The following ADAMTS17 variants were observed in gnomAD, a reference collection of about 807,000 sequenced individuals.
ADAMTS17 encodes ADAM metallopeptidase with thrombospondin type 1 motif 17, also known as A disintegrin and metalloproteinase with thrombospondin motifs 17.
ADAMTS17 carries 113 observed loss-of-function variants against 141.5 expected under a neutral mutation model. The ratio of observed to expected loss-of-function variants is 0.80; its 90% CI spans 0.69 to 0.93. The LOEUF is 0.93. Among genes scored for constraint, ADAMTS17 ranks in the 40% least tolerant of loss-of-function variants. The pLI, the probability that ADAMTS17 is intolerant of heterozygous loss-of-function variation, is 0.00. For missense variants in ADAMTS17, 1,659 were observed against 1,517.9 expected (o/e 1.09, Z -1.54); for synonymous variants, 768 against 630.6 (o/e 1.22, Z -3.27).
Position 100,104,594 on chromosome 15 carries a change from A to G in ADAMTS17, c.2016+4395T>C, listed in dbSNP as rs151133129. ...ATGCCGTCTGCTACCCCAAAATAGC[A>G]CAATTTATAGCTGAAGGGGAAAGAG... is the stretch of plus-strand genomic sequence containing the variant. On this transcript the variant is annotated intron_variant, in intron 14 of 21. Coordinates refer to ENST00000268070, the MANE Select transcript of ADAMTS17 (RefSeq NM_139057.4). 3.1e-3 allele frequency among the ~76,000 whole-genome samples: 478 copies of G among 152,288 alleles called. 2 individuals carry two copies. The highest frequency in any genetic ancestry group is 0.011 in the African/African-American group (457 of 41,558).
intron 18 of ADAMTS17, among the ~76,000 whole-genome samples, chr15:100,007,421 T>A (rs1275978435): frequency 6.6e-6 from 1 of 152,006 alleles, no homozygotes. Context: ...AGAAGACTTT[T>A]TTTTTTTTTT....
At chr15:100,006,820 G>GCT (rs2061045041) in intron 18 of ADAMTS17, among the ~76,000 whole-genome samples, 1 of 152,324 alleles carries the variant, frequency 6.6e-6, no homozygotes, top group South Asian at 2.1e-4. Flanking sequence ...ATCTGTTAGA[G>GCT]ACAGGCCAAT....
chr15:100,308,081 C>T (rs1326063525), intron 3 of ADAMTS17, among the ~76,000 whole-genome samples: 1 of 152,100 alleles, frequency 6.6e-6, no homozygotes, highest in Non-Finnish European at 1.5e-5. Context: ...AAAATTTGAC[C>T]CACTTTACAG....
chr15:100,067,535 G>C (rs2033626763), intron 15 of ADAMTS17, among the ~76,000 whole-genome samples: 2 of 151,988 alleles, frequency 1.3e-5, no homozygotes, highest in East Asian at 3.9e-4. Flanking sequence ...AACCTTTCTT[G>C]GGACACAAAG....
intron 3 of ADAMTS17, among the ~76,000 whole-genome samples, chr15:100,290,849 C>T (rs533749628): frequency 6.6e-6 from 1 of 152,226 alleles, no homozygotes; most frequent in South Asian, 2.1e-4. Flanking sequence ...AAAATTAACT[C>T]GGGATGGATT....
At chr15:100,154,051 C>T (rs1291079808) in intron 9 of ADAMTS17, among the ~76,000 whole-genome samples, 1 of 152,126 alleles carries the variant, frequency 6.6e-6, no homozygotes, top group Non-Finnish European at 1.5e-5. Flanking sequence ...TGTGGTGGCA[C>T]GTGCCGGTAA....
At chr15:100,073,810 T>C (rs1222947646) in intron 15 of ADAMTS17, among the ~76,000 whole-genome samples, 1 of 150,766 alleles carries the variant, frequency 6.6e-6, no homozygotes, top group African/African-American at 2.4e-5. Flanking sequence ...ATATACCTAA[T>C]GTTAAATAAC....
chr15:100,176,539 C>T (rs922920644), intron 8 of ADAMTS17, among the ~76,000 whole-genome samples: 1 of 152,186 alleles, frequency 6.6e-6, no homozygotes, highest in African/African-American at 2.4e-5. Context: ...ACCCTTCCCC[C>T]AGCCTCCCAC....
At chr15:100,001,421 T>C (rs1320548999) in intron 18 of ADAMTS17, among the ~76,000 whole-genome samples, 1 of 152,072 alleles carries the variant, frequency 6.6e-6, no homozygotes, top group Non-Finnish European at 1.5e-5. Context: ...GTGAAACTGC[T>C]TTGTATGATG....
chr15:100,333,992 G>A (rs1469558333), intron 2 of ADAMTS17, among the ~76,000 whole-genome samples: 2 of 152,226 alleles, frequency 1.3e-5, no homozygotes, highest in African/African-American at 4.8e-5. Flanking sequence ...GATTTGGTAT[G>A]CTATACTATA....
Position 100,073,679 on chromosome 15 carries a change from C to T in ADAMTS17, c.2138-19625G>A, listed in dbSNP as rs538497594. Among the ~76,000 whole-genome samples, 228 of 148,974 alleles carry T rather than the reference C, an allele frequency of 1.5e-3. 1 individual carries two copies. The highest frequency in any genetic ancestry group is 5.1e-3 in the South Asian group (24 of 4,742). ...ATCACAAGGACAAAAAACCAAACAC[C>T]GCATGTTCTCACTCATAGGTGGGAA... On this transcript the variant is annotated intron_variant, in intron 15 of 21. Transcript: ENST00000268070.
intron 18 of ADAMTS17, among the ~76,000 whole-genome samples, chr15:100,043,211 C>A (rs1474344307): frequency 6.6e-6 from 1 of 152,204 alleles, no homozygotes; most frequent in Non-Finnish European, 1.5e-5. Flanking sequence ...GAGCCAGGCA[C>A]TTGCTGTCTA....
In ADAMTS17 at chr15:100,262,337, C is replaced by T; in HGVS notation, c.873+15G>A. 1.9e-6 allele frequency: 3 copies of T among 1,611,666 alleles called. No individual in the cohort carries two copies. The highest frequency in any genetic ancestry group is 1.7e-6 in the Non-Finnish European group (2 of 1,178,128). ...ACATTTTCTGCTTGCTTGAAAGGTGCCTGTGGGGACTTACGGGACGTTGTC... is the reference window on the plus strand; with the variant it reads ...ACATTTTCTGCTTGCTTGAAAGGTGTCTGTGGGGACTTACGGGACGTTGTC... On this transcript the variant is annotated intron_variant, in intron 5 of 21. Coordinates refer to ENST00000268070, the MANE Select transcript of ADAMTS17 (RefSeq NM_139057.4).
intron 15 of ADAMTS17, among the ~76,000 whole-genome samples, chr15:100,072,743 T>C (rs1445619606): frequency 6.6e-6 from 1 of 152,126 alleles, no homozygotes; most frequent in Non-Finnish European, 1.5e-5. Context: ...TTACACCTTA[T>C]ACAAAAATTA....
intron 7 of ADAMTS17, among the ~76,000 whole-genome samples, chr15:100,204,968 C>T (rs2041476347): frequency 6.6e-6 from 1 of 152,104 alleles, no homozygotes. Flanking sequence ...GCCTTGCAGG[C>T]TAATTCAGTT....
chr15:100,250,346 A>G (rs1464427776), intron 7 of ADAMTS17, among the ~76,000 whole-genome samples: 1 of 152,218 alleles, frequency 6.6e-6, no homozygotes, highest in Non-Finnish European at 1.5e-5. Flanking sequence ...CTCAAGACAC[A>G]GCATCTCACG....
At chr15:100,212,156 G>A (rs1398093785) in intron 7 of ADAMTS17, among the ~76,000 whole-genome samples, 2 of 152,174 alleles carry the variant, frequency 1.3e-5, no homozygotes, top group African/African-American at 4.8e-5. Flanking sequence ...TCACACATGG[G>A]GAAACTGAGG....
At chr15:100,131,944 G>C in intron 12 of ADAMTS17, 63 bp downstream of exon 12, 3 of 1,610,056 alleles carry the variant, frequency 1.9e-6, no homozygotes, top group East Asian at 4.5e-5. Context: ...GTGAGGCAGC[G>C]AGAGCTGCTG....
At chr15:100,047,311 C>A in intron 18 of ADAMTS17, among the ~76,000 whole-genome samples, 1 of 134,640 alleles carries the variant, frequency 7.4e-6, no homozygotes, top group Non-Finnish European at 1.5e-5. Context: ...TCTCGCCCTG[C>A]CTCCATTTGC....
Sources: gnomAD v4.1 joint callset for allele counts (sites outside exome capture counted in the v4.1 genomes callset) on GRCh38, gnomAD v4.1.1 for gene constraint, MANE v1.5 for transcripts, NCBI Gene and HGNC (gene_info 2026-07-23, HGNC 2026-07-21) for gene names.